The following HS6ST3 variants were observed in gnomAD, a reference collection of about 807,000 sequenced individuals.
HS6ST3 encodes heparan sulfate 6-O-sulfotransferase 3.
In HS6ST3, 12 loss-of-function variants were observed where a neutral mutation model predicts 36.7. That is an observed-to-expected ratio of 0.33 (90% CI 0.21 to 0.53). The LOEUF (loss-of-function observed/expected upper bound fraction) is 0.53, where lower values mean the gene tolerates loss of function less well. HS6ST3 is among the 20% of genes least tolerant of loss of function. HS6ST3 has a pLI of 0.95. For synonymous variants in HS6ST3, 240 were observed against 257.5 expected (o/e 0.93, Z 0.65); for missense variants, 584 against 640.9 (o/e 0.91, Z 0.96).
intron 1 of HS6ST3, among the ~76,000 whole-genome samples, chr13:96,545,055 T>C (rs1386680263): frequency 6.6e-6 from 1 of 152,196 alleles, no homozygotes; most frequent in African/African-American, 2.4e-5. Flanking sequence ...CTGGTGAATA[T>C]ATAATAGAAA....
At chr13:96,177,271 G>A (rs999271432) in intron 1 of HS6ST3, among the ~76,000 whole-genome samples, 1 of 152,128 alleles carries the variant, frequency 6.6e-6, no homozygotes, top group African/African-American at 2.4e-5. Flanking sequence ...CCATTACTGG[G>A]TATATACTCA....
intron 1 of HS6ST3, among the ~76,000 whole-genome samples, chr13:96,655,433 C>G (rs950653254): frequency 2.0e-5 from 3 of 152,054 alleles, no homozygotes; most frequent in Non-Finnish European, 4.4e-5. Flanking sequence ...TCCTTTTGAA[C>G]TTTTACTCAA....
chr13:96,266,791 A>G (rs186756397), intron 1 of HS6ST3, among the ~76,000 whole-genome samples: 1 of 152,346 alleles, frequency 6.6e-6, no homozygotes, highest in East Asian at 1.9e-4. Flanking sequence ...CGCCTGTTCA[A>G]TAAATGCCTA....
chr13:96,187,767 A>G (rs1415964350), intron 1 of HS6ST3, among the ~76,000 whole-genome samples: 3 of 152,300 alleles, frequency 2.0e-5, no homozygotes, highest in African/African-American at 7.2e-5. Context: ...TTGGTGTTCC[A>G]TTCTACCTGC....
At chr13:96,705,990 A>G (rs1381147672) in intron 1 of HS6ST3, among the ~76,000 whole-genome samples, 2 of 152,138 alleles carry the variant, frequency 1.3e-5, no homozygotes, top group African/African-American at 2.4e-5. Context: ...CTCCACTTTT[A>G]GTAGAGGATT....
intron 1 of HS6ST3, among the ~76,000 whole-genome samples, chr13:96,456,003 A>C (rs549730463): frequency 7.2e-5 from 11 of 152,324 alleles, no homozygotes; most frequent in Admixed American, 6.5e-4. Context: ...TGGTACAGTG[A>C]TGAAGCTATG....
chr13:96,231,681 C>T (rs932600900), intron 1 of HS6ST3, among the ~76,000 whole-genome samples: 4 of 152,118 alleles, frequency 2.6e-5, no homozygotes, highest in Non-Finnish European at 5.9e-5. Context: ...GGCAGGGACA[C>T]AGACCCAAGC....
chr13:96,722,030 G>T (rs957222721), intron 1 of HS6ST3, among the ~76,000 whole-genome samples: 27 of 152,248 alleles, frequency 1.8e-4, no homozygotes, highest in African/African-American at 6.3e-4. Context: ...ACTTTGGGAG[G>T]TTGGATGGGC....
chr13:96,426,196 C>T (rs1213385221), intron 1 of HS6ST3, among the ~76,000 whole-genome samples: 1 of 152,074 alleles, frequency 6.6e-6, no homozygotes, highest in Non-Finnish European at 1.5e-5. Context: ...CAACCTGTCA[C>T]AGCTGTGTAA....
At chr13:96,406,837 G>A (rs151150119) in intron 1 of HS6ST3, among the ~76,000 whole-genome samples, 296 of 152,242 alleles carry the variant, frequency 1.9e-3, no homozygotes, top group African/African-American at 6.8e-3. Flanking sequence ...GTTCATATGT[G>A]TCAGACAAAA....
intron 1 of HS6ST3, among the ~76,000 whole-genome samples, chr13:96,453,179 T>TA (rs1430836482): frequency 6.6e-4 from 99 of 148,886 alleles, no homozygotes; most frequent in Non-Finnish European, 8.9e-4. Context: ...AATGCTCTTT[T>TA]TAAAAAAAAA....
chr13:96,356,225 A>G (rs2055209476), intron 1 of HS6ST3, among the ~76,000 whole-genome samples: 1 of 152,178 alleles, frequency 6.6e-6, no homozygotes, highest in South Asian at 2.1e-4. Flanking sequence ...CATGAGTATT[A>G]GAGCTTCTTC....
At chr13:96,827,264 A>T (rs1289271371) in intron 1 of HS6ST3, among the ~76,000 whole-genome samples, 1 of 152,224 alleles carries the variant, frequency 6.6e-6, no homozygotes, top group African/African-American at 2.4e-5. Context: ...GAATTAAAAA[A>T]TGAATGAACA....
intron 1 of HS6ST3, among the ~76,000 whole-genome samples, chr13:96,426,275 T>A (rs1177689447): frequency 6.6e-6 from 1 of 152,130 alleles, no homozygotes; most frequent in East Asian, 1.9e-4. Context: ...TCTATTTGTG[T>A]TTTTTGAATC....
chr13:96,425,800 T>C (rs1483819565), intron 1 of HS6ST3, among the ~76,000 whole-genome samples: 2 of 152,004 alleles, frequency 1.3e-5, no homozygotes, highest in African/African-American at 4.8e-5. Flanking sequence ...GAATGATTTT[T>C]TGGGGGGAGA....
At chr13:96,564,287 T>C (rs1268770670) in intron 1 of HS6ST3, among the ~76,000 whole-genome samples, 1 of 152,314 alleles carries the variant, frequency 6.6e-6, no homozygotes, top group Middle Eastern at 3.4e-3. Context: ...TATGTGGAGA[T>C]AGCACATACT....
intron 1 of HS6ST3, among the ~76,000 whole-genome samples, chr13:96,665,919 G>A (rs1284936601): frequency 6.6e-6 from 1 of 152,136 alleles, no homozygotes; most frequent in African/African-American, 2.4e-5. Context: ...AAGTGTTGAG[G>A]CAGATTTTAA....
At chr13:96,497,848 C>A (rs957194865) in intron 1 of HS6ST3, among the ~76,000 whole-genome samples, 4 of 152,148 alleles carry the variant, frequency 2.6e-5, no homozygotes, top group African/African-American at 9.7e-5. Flanking sequence ...ACCATGCTGT[C>A]ACTATATGGA....
chr13:96,408,030 C>T (rs1181904740), intron 1 of HS6ST3, among the ~76,000 whole-genome samples: 1 of 152,002 alleles, frequency 6.6e-6, no homozygotes, highest in Non-Finnish European at 1.5e-5. Context: ...AACCTCCGCC[C>T]CTGGGTTCAA....
Sources: gnomAD v4.1 joint callset for allele counts (sites outside exome capture counted in the v4.1 genomes callset) on GRCh38, gnomAD v4.1.1 for gene constraint, MANE v1.5 for transcripts, NCBI Gene and HGNC (gene_info 2026-07-23, HGNC 2026-07-21) for gene names.